The following LRP1B variants were observed in gnomAD, a reference collection of about 807,000 sequenced individuals.
The protein encoded by LRP1B is LDL receptor related protein 1B.
A neutral mutation model predicts 556.6 loss-of-function variants in LRP1B; 217 were observed. The ratio of observed to expected loss-of-function variants is 0.39; its 90% CI spans 0.35 to 0.44. The LOEUF (loss-of-function observed/expected upper bound fraction) is 0.44. Among genes scored for constraint, LRP1B ranks in the 20% least tolerant of loss-of-function variants. The pLI is 1.00. For missense variants in LRP1B, 5,053 were observed against 5,620.8 expected, an observed-to-expected ratio of 0.90 and a Z score of 3.23; for synonymous variants, 2,047 against 1,865.8, an observed-to-expected ratio of 1.10 and a Z score of -2.50.
At chr2:141,402,198 A>G (rs1252741147) in intron 3 of LRP1B, among the ~76,000 whole-genome samples, 1 of 152,124 alleles carries the variant, frequency 6.6e-6, no homozygotes, top group Non-Finnish European at 1.5e-5. Flanking sequence ...GTATTTTAGC[A>G]TAGATCATAT....
intron 66 of LRP1B, among the ~76,000 whole-genome samples, chr2:140,413,654 A>G (rs1685057357): frequency 6.6e-6 from 1 of 152,216 alleles, no homozygotes; most frequent in South Asian, 2.1e-4. Flanking sequence ...TGTTATCTTC[A>G]CAAACATTCA....
intron 35 of LRP1B, among the ~76,000 whole-genome samples, chr2:140,732,800 T>C (rs1255074134): frequency 2.6e-5 from 4 of 152,138 alleles, no homozygotes; most frequent in Admixed American, 2.6e-4. Context: ...TTTTTTAGAA[T>C]GCATCCCAGA....
chr2:141,671,280 C>T (rs1690656421), intron 2 of LRP1B, among the ~76,000 whole-genome samples: 1 of 152,084 alleles, frequency 6.6e-6, no homozygotes, highest in South Asian at 2.1e-4. Flanking sequence ...AAAAGATAAT[C>T]TAAGGTCAGA....
chr2:140,898,138 G>T (rs1476029742), intron 23 of LRP1B, among the ~76,000 whole-genome samples: 1 of 152,126 alleles, frequency 6.6e-6, no homozygotes, highest in Non-Finnish European at 1.5e-5. Context: ...AGGCTGTGCT[G>T]GTTCCCCACA....
chr2:141,697,465 G>A (rs974597651), intron 2 of LRP1B, among the ~76,000 whole-genome samples: 1 of 151,878 alleles, frequency 6.6e-6, no homozygotes, highest in Non-Finnish European at 1.5e-5. Context: ...ATATTACATT[G>A]AAACGTGCAT....
At chr2:142,010,268 G>C (rs1574589868) in intron 1 of LRP1B, among the ~76,000 whole-genome samples, 1 of 152,022 alleles carries the variant, frequency 6.6e-6, no homozygotes, top group Non-Finnish European at 1.5e-5. Context: ...TGGAGATTAA[G>C]AAATCATACC....
intron 2 of LRP1B, among the ~76,000 whole-genome samples, chr2:141,493,099 G>A (rs559578107): frequency 7.2e-5 from 11 of 152,224 alleles, no homozygotes; most frequent in African/African-American, 2.6e-4. Context: ...CATGAGTTAG[G>A]TATTATAATT....
chr2:141,480,578 A>T (rs988387682), intron 2 of LRP1B, 45 bp from the exon 3 acceptor site: 6 of 1,596,966 alleles, frequency 3.8e-6, no homozygotes, highest in Non-Finnish European at 5.2e-6. Context: ...TAGCTTTTCT[A>T]AATGGTAAAA....
Position 140,749,845 on chromosome 2 carries a change from A to G in LRP1B, c.5758+19368T>C, listed in dbSNP as rs150025158. 3.1e-3 allele frequency among the ~76,000 whole-genome samples: 474 copies of G among 152,354 alleles called. 6 individuals carry two copies. Among genetic ancestry groups the G allele is most frequent in the African/African-American group, 0.011 (462 of 41,584 alleles). Reference sequence around the variant, plus strand: ...TATTGTCAAGTATTATATACTGTACATAATTTTATGTGCTATACTTTCATA... The same window carrying G: ...TATTGTCAAGTATTATATACTGTACGTAATTTTATGTGCTATACTTTCATA... On this transcript the variant is annotated intron_variant, in intron 35 of 90. Transcript: ENST00000389484.
At position 140,914,529 on chromosome 2, in the gene LRP1B, C is replaced by T. The variant is rs181485457; in HGVS notation, c.3320-6452G>A. Among the ~76,000 whole-genome samples, 20 of 152,016 alleles carry T rather than the reference C, an allele frequency of 1.3e-4. No individual in the cohort carries two copies. The East Asian group carries it at 3.3e-3, about 25-fold the overall frequency. ...GGAAGTGGGAAGTAAATGTCAGTGG[C>T]GGAAATTTTGGAGTCCTAGAGGTGA... On this transcript the variant is annotated intron_variant, in intron 21 of 90. Transcript: ENST00000389484.
chr2:140,812,899 A>G (rs189144942), intron 32 of LRP1B, among the ~76,000 whole-genome samples: 109 of 152,306 alleles, frequency 7.2e-4, no homozygotes, highest in Non-Finnish European at 1.2e-3. Context: ...ACTTCAGCTT[A>G]GAGCCAGCCA....
chr2:140,237,715 T>G (rs1024825029), intron 89 of LRP1B, among the ~76,000 whole-genome samples: 1 of 150,836 alleles, frequency 6.6e-6, no homozygotes, highest in South Asian at 2.1e-4. Context: ...TGCATATATT[T>G]CAACATTGAA....
chr2:140,361,381 A>ATATATATATATATAT (rs1682507591), intron 72 of LRP1B, among the ~76,000 whole-genome samples: 1 of 33,846 alleles, frequency 3.0e-5, no homozygotes, highest in Non-Finnish European at 7.3e-5. Flanking sequence ...TATATATATA[A>ATATATATATATATAT]CAAAAATAAG....
intron 41 of LRP1B, among the ~76,000 whole-genome samples, chr2:140,628,604 CA>C (rs1683763852): frequency 1.3e-5 from 2 of 150,072 alleles, no homozygotes; most frequent in Non-Finnish European, 3.0e-5. Context: ...TTGCAAAGTA[CA>C]AAAAAATTAA....
chr2:140,331,826 G>A (rs1274701032), intron 79 of LRP1B, among the ~76,000 whole-genome samples: 1 of 151,708 alleles, frequency 6.6e-6, no homozygotes, highest in African/African-American at 2.4e-5. Context: ...CTCTCGAGTA[G>A]CTGGGATTAC....
chr2:140,340,602 CA>C (rs1252958213), intron 77 of LRP1B, among the ~76,000 whole-genome samples: 1 of 151,256 alleles, frequency 6.6e-6, no homozygotes, highest in African/African-American at 2.4e-5. Flanking sequence ...AGAAATAATT[CA>C]GGGTTACCTG....
intron 66 of LRP1B, among the ~76,000 whole-genome samples, chr2:140,430,305 G>A (rs1176397639): frequency 6.6e-6 from 1 of 152,132 alleles, no homozygotes; most frequent in Non-Finnish European, 1.5e-5. Context: ...TATTTATACT[G>A]ATTCTAAATA....
At chr2:142,024,362 C>G (rs1703436472) in intron 1 of LRP1B, among the ~76,000 whole-genome samples, 1 of 152,174 alleles carries the variant, frequency 6.6e-6, no homozygotes, top group South Asian at 2.1e-4. Flanking sequence ...TCAGAGTCAC[C>G]TGGAGGACTT....
chr2:140,606,235 A>C (rs1682864226), intron 41 of LRP1B, among the ~76,000 whole-genome samples: 1 of 152,042 alleles, frequency 6.6e-6, no homozygotes, highest in South Asian at 2.1e-4. Context: ...AACAATCTGA[A>C]AATGACATTA....
Sources: allele counts gnomAD v4.1 joint callset (sites outside exome capture counted in the v4.1 genomes callset), GRCh38; gene constraint gnomAD v4.1.1; transcripts MANE v1.5; gene names NCBI Gene and HGNC (gene_info 2026-07-23, HGNC 2026-07-21).